The following KSR2 variants were observed in gnomAD, a reference collection of about 807,000 sequenced individuals.
The protein encoded by KSR2 is kinase suppressor of ras 2.
A neutral mutation model predicts 107.8 loss-of-function variants in KSR2; 25 were observed. The ratio of observed to expected loss-of-function variants is 0.23; its 90% CI spans 0.17 to 0.32. The LOEUF is 0.32. KSR2 is among the 10% of genes least tolerant of loss of function. The probability of loss-of-function intolerance (pLI) is 1.00; values close to 1 mark genes in which losing one functional copy is unlikely to be tolerated. For synonymous variants in KSR2, 480 were observed against 507.0 expected (o/e 0.95, Z 0.71); for missense variants, 887 against 1,268.9 (o/e 0.70, Z 4.57).
intron 14 of KSR2, among the ~76,000 whole-genome samples, chr12:117,520,778 T>C (rs1377726643): frequency 1.3e-5 from 2 of 152,026 alleles, no homozygotes; most frequent in South Asian, 4.1e-4. Flanking sequence ...TGGCATAAAA[T>C]CAGGACTCCT....
intron 3 of KSR2, among the ~76,000 whole-genome samples, chr12:117,816,411 T>A (rs1271387553): frequency 6.6e-6 from 1 of 152,196 alleles, no homozygotes; most frequent in African/African-American, 2.4e-5. Flanking sequence ...CCCCTCTGTG[T>A]CCTGTCCCAA....
At position 117,453,791 on chromosome 12, in the gene KSR2, G is replaced by A. The variant is rs975529241; in HGVS notation, c.*13408C>T. On this transcript the variant is annotated 3_prime_UTR_variant, in exon 20 of 20. Coordinates refer to ENST00000339824, the MANE Select transcript of KSR2 (RefSeq NM_173598.6). ...CTGGGATCTTCTCTGCCTGGTCCAG[G>A]TATGGTCAAGGGCACAGATGTAATG... 6.6e-6 allele frequency: 1 copy of A among 152,184 alleles called. No individual in the cohort carries two copies. Among genetic ancestry groups the A allele is most frequent in the Non-Finnish European group, 1.5e-5 (1 of 68,042 alleles). The allele number at this position is 152,184 out of a possible 1,614,324, so 9.4% of individuals were successfully genotyped here.
intron 4 of KSR2, among the ~76,000 whole-genome samples, chr12:117,694,342 T>C (rs541527853): frequency 2.3e-4 from 35 of 152,260 alleles, no homozygotes; most frequent in East Asian, 9.7e-4. Context: ...TTATAAATGG[T>C]AGTTCCCCTG....
chr12:117,628,106 T>A (rs184818855), intron 5 of KSR2, among the ~76,000 whole-genome samples: 3 of 152,314 alleles, frequency 2.0e-5, no homozygotes, highest in African/African-American at 7.2e-5. Flanking sequence ...ATTCATCTAA[T>A]CTTTTTTCAA....
chr12:117,873,024 A>G (rs1436450888), intron 1 of KSR2, among the ~76,000 whole-genome samples: 1 of 152,156 alleles, frequency 6.6e-6, no homozygotes, highest in African/African-American at 2.4e-5. Flanking sequence ...TGCGGGCATC[A>G]AGGATGCCAA....
At chr12:117,617,707 C>T (rs540659112) in intron 5 of KSR2, among the ~76,000 whole-genome samples, 46 of 152,224 alleles carry the variant, frequency 3.0e-4, no homozygotes, top group Non-Finnish European at 3.5e-4. Flanking sequence ...GAAGTGATTG[C>T]ACAGGGAATG....
chr12:117,670,457 G>A (rs746038452), intron 4 of KSR2, among the ~76,000 whole-genome samples: 3 of 152,144 alleles, frequency 2.0e-5, no homozygotes, highest in Admixed American at 6.5e-5. Context: ...CAGGCAGTAC[G>A]GCACCAGGGT....
intron 4 of KSR2, among the ~76,000 whole-genome samples, chr12:117,712,259 G>A (rs1886813457): frequency 6.6e-6 from 1 of 152,192 alleles, no homozygotes; most frequent in African/African-American, 2.4e-5. Context: ...CTCTCAAGGG[G>A]GTAGACTTCT....
At chr12:117,656,963 G>GAGATAT (rs1555225273) in intron 5 of KSR2, among the ~76,000 whole-genome samples, 4,817 of 86,406 alleles carry the variant, frequency 0.056, 196 homozygotes, top group East Asian at 0.21. Context: ...TATATAATAG[G>GAGATAT]ATATATATAT....
chr12:117,535,072 T>C (rs1875942092), intron 10 of KSR2, among the ~76,000 whole-genome samples: 1 of 152,188 alleles, frequency 6.6e-6, no homozygotes, highest in Non-Finnish European at 1.5e-5. Context: ...CAATAGGAAG[T>C]GAATCCAGGG....
Position 117,907,001 on chromosome 12 carries a change from C to T in KSR2, c.181-46570G>A, listed in dbSNP as rs143346854. Among the ~76,000 whole-genome samples the T allele has an allele frequency of 1.5e-3, 230 of 152,234 alleles. 2 individuals are homozygous for T. Among genetic ancestry groups the T allele is most frequent in the African/African-American group, 4.7e-3 (194 of 41,550 alleles). On this transcript the variant is annotated intron_variant, in intron 1 of 19. Transcript: ENST00000339824. The surrounding 1 kb of genome is among the most constrained non-coding windows in gnomAD (Gnocchi z 4.3). ...CACCACTGCACTCCAGCCTGGGTGA[C>T]AGAGCGAGACCCTGTCCAAAAAGAT...
chr12:117,623,672 T>C (rs1835224184), intron 5 of KSR2, among the ~76,000 whole-genome samples: 1 of 152,248 alleles, frequency 6.6e-6, no homozygotes, highest in Admixed American at 6.5e-5. Flanking sequence ...CTATTGTGAA[T>C]AGTGCCACAA....
At chr12:117,626,299 G>GT (rs1175258153) in intron 5 of KSR2, among the ~76,000 whole-genome samples, 1 of 151,870 alleles carries the variant, frequency 6.6e-6, no homozygotes, top group East Asian at 1.9e-4. Flanking sequence ...GTGATGTTGG[G>GT]GTGTTGATTT....
chr12:117,726,389 G>T (rs952980774), intron 4 of KSR2, among the ~76,000 whole-genome samples: 1 of 152,148 alleles, frequency 6.6e-6, no homozygotes, highest in African/African-American at 2.4e-5. Flanking sequence ...AAAGTTAGAT[G>T]CCTGACAATG....
intron 14 of KSR2, among the ~76,000 whole-genome samples, chr12:117,491,325 G>A (rs927685998): frequency 1.3e-5 from 2 of 152,080 alleles, no homozygotes; most frequent in African/African-American, 4.8e-5. Context: ...GATTACAGGT[G>A]CCTACCACCA....
chr12:117,580,566 T>C (rs1879585431), intron 6 of KSR2, among the ~76,000 whole-genome samples: 1 of 152,246 alleles, frequency 6.6e-6, no homozygotes, highest in African/African-American at 2.4e-5. Context: ...GATGGGATTT[T>C]AATTTCATTT....
chr12:117,820,035 G>C (rs1239285470), intron 3 of KSR2, among the ~76,000 whole-genome samples: 2 of 152,182 alleles, frequency 1.3e-5, no homozygotes, highest in African/African-American at 4.8e-5. Context: ...GCGAATATGA[G>C]CAAGATTATG....
intron 7 of KSR2, among the ~76,000 whole-genome samples, chr12:117,575,913 C>T (rs1879255299): frequency 6.6e-6 from 1 of 152,114 alleles, no homozygotes; most frequent in Non-Finnish European, 1.5e-5. Context: ...GACACTGAGC[C>T]CTATGATGGC....
chr12:117,501,553 CAGGT>C (rs1873378781), intron 14 of KSR2, among the ~76,000 whole-genome samples: 3 of 152,220 alleles, frequency 2.0e-5, no homozygotes, highest in Admixed American at 6.5e-5. Flanking sequence ...GGCACTGTGC[CAGGT>C]GTGGGGATAC....
Sources: gnomAD v4.1 joint callset for allele counts (sites outside exome capture counted in the v4.1 genomes callset) on GRCh38, gnomAD v4.1.1 for gene constraint, Gnocchi (gnomAD v3.1) non-coding constraint, MANE v1.5 for transcripts, NCBI Gene and HGNC (gene_info 2026-07-23, HGNC 2026-07-21) for gene names.